The following GPATCH2L variants were observed in gnomAD, a reference collection of about 807,000 sequenced individuals.
The protein encoded by GPATCH2L is G patch domain-containing protein 2-like.
GPATCH2L carries 31 observed loss-of-function variants against 57.4 expected under a neutral mutation model. The ratio of observed to expected loss-of-function variants is 0.54; its 90% CI spans 0.41 to 0.73. The LOEUF is 0.73. Ranked by LOEUF, GPATCH2L falls within the 30% of genes least tolerant of loss-of-function variation. The pLI, the probability that GPATCH2L is intolerant of heterozygous loss-of-function variation, is 0.00. For missense variants in GPATCH2L, 481 were observed against 599.9 expected, an observed-to-expected ratio of 0.80 and a Z score of 2.07; for synonymous variants, 199 against 210.7, an observed-to-expected ratio of 0.94 and a Z score of 0.48.
At position 76,177,978 on chromosome 14, in the gene GPATCH2L, T is replaced by C. The variant is rs201239692; in HGVS notation, c.1053-10T>C. The stretch of plus-strand genomic sequence containing the variant: ...ATCTTTATTTTATCATTTGGTTTCC[T>C]TTTCTTTAGAAAGAATAAAGCGTTG... On this transcript the variant is annotated splice_polypyrimidine_tract_variant and intron_variant, in intron 6 of 9. Transcript: ENST00000261530. 1 of 1,605,036 alleles carries C rather than the reference T, an allele frequency of 6.2e-7. No individual in the cohort carries two copies. The highest frequency in any genetic ancestry group is 1.1e-5 in the South Asian group (1 of 90,856).
At chr14:76,219,005 C>CAAAAAAAAAA (rs572896740), downstream of GPATCH2L, among the ~76,000 whole-genome samples, 1 of 73,776 alleles carries the variant, frequency 1.4e-5, no homozygotes, top group Non-Finnish European at 3.0e-5. Flanking sequence ...TCTAAAAGTA[C>CAAAAAAAAAA]AAAAAAAAAA....
At position 76,214,270 on chromosome 14, in the gene GPATCH2L, T is replaced by G. The variant is rs2040473183; in HGVS notation, c.*12419T>G. ...TATTTTGTGCCTTTTAGCAGTGTTT[T>G]AAAATTATCCTTGTGTAGGTTTTGT... On this transcript the variant is annotated 3_prime_UTR_variant, in exon 10 of 10. Coordinates refer to ENST00000261530, the MANE Select transcript of GPATCH2L (RefSeq NM_017926.4). 1 of 152,232 alleles carries G rather than the reference T, an allele frequency of 6.6e-6. No homozygotes were observed. The highest frequency in any genetic ancestry group is 6.5e-5 in the Admixed American group (1 of 15,288). 9.4% of individuals were successfully genotyped at this position (152,232 alleles called of 1,614,324 possible).
At chr14:76,221,921 A>G (rs1239790502) in intron 1 of GPATCH2L, among the ~76,000 whole-genome samples, 1 of 152,220 alleles carries the variant, frequency 6.6e-6, no homozygotes, top group East Asian at 1.9e-4. Context: ...ATTTATCAAA[A>G]CCCATAGAAT....
Position 76,204,215 on chromosome 14 carries a change from G to C in GPATCH2L, c.*2364G>C, listed in dbSNP as rs2040349733. 1 of 152,176 alleles carries C rather than the reference G, an allele frequency of 6.6e-6. No individual in the cohort carries two copies. The highest frequency in any genetic ancestry group is 2.4e-5 in the African/African-American group (1 of 41,438). The allele number at this position is 152,176 out of a possible 1,614,324, so 9.4% of individuals were successfully genotyped here. ...TTCAGTGATAGACCTGAGTCAGTCT[G>C]AGATGCTTATTTATGAAACAGTATA... On this transcript the variant is annotated 3_prime_UTR_variant, in exon 10 of 10. Transcript: ENST00000261530.
At chr14:76,176,771 G>A in intron 6 of GPATCH2L, 81 bp downstream of exon 6, 1 of 867,654 alleles carries the variant, frequency 1.2e-6, no homozygotes, top group Non-Finnish European at 2.0e-6. Context: ...GAGCAACTTA[G>A]AAATCAGGCT....
rs534343739 is a variant in GPATCH2L, at chr14:76,209,501, A to T, written c.*7650A>T. On this transcript the variant is annotated 3_prime_UTR_variant, in exon 10 of 10. Transcript: ENST00000261530. ...GGTGGGTCACTCCTGTTTACTTATG[A>T]GTTGCTATTTATGAAAAGATGGCCT... The T allele has an allele frequency of 2.4e-4, 37 of 152,280 alleles. No homozygotes were observed. Among genetic ancestry groups the T allele is most frequent in the African/African-American group, 7.9e-4 (33 of 41,548 alleles). The allele number at this position is 152,280 out of a possible 1,614,324, so 9.4% of individuals were successfully genotyped here.
At chr14:76,222,510 G>C (rs12589999) in intron 1 of GPATCH2L, among the ~76,000 whole-genome samples, 65,766 of 151,718 alleles carry the variant, frequency 0.43, 17,373 homozygotes, top group South Asian at 0.67. Context: ...AGGAGGCTGA[G>C]GTGGGGGAAT....
chr14:76,218,676 TAAA>T (rs566069417), downstream of GPATCH2L, among the ~76,000 whole-genome samples: 1 of 151,738 alleles, frequency 6.6e-6, no homozygotes, highest in African/African-American at 2.4e-5. Flanking sequence ...AAGTTCATAT[TAAA>T]AAAAGATAGA....
rs1228581308 is a variant in GPATCH2L at position 76,206,544 on chromosome 14, A to G, written c.*4693A>G. On this transcript the variant is annotated 3_prime_UTR_variant, in exon 10 of 10. Transcript: ENST00000261530. ...AAAGTACAGTGTTGAAGAATGGGGC[A>G]TGTCATGAAGACATTCAGCAAAGAA... 3 of 152,260 alleles carry G rather than the reference A, an allele frequency of 2.0e-5. No homozygotes were observed. The highest frequency in any genetic ancestry group is 4.8e-5 in the African/African-American group (2 of 41,466). 9.4% of individuals were successfully genotyped at this position (152,260 alleles called of 1,614,324 possible).
chr14:76,178,345 G>T, intron 7 of GPATCH2L: 1 of 1,022,852 alleles, frequency 9.8e-7, no homozygotes. Flanking sequence ...TGGGTGAAGT[G>T]GGGTCAAAGC....
At chr14:76,183,055 C>T (rs767018803) in intron 8 of GPATCH2L, among the ~76,000 whole-genome samples, 13 of 152,254 alleles carry the variant, frequency 8.5e-5, no homozygotes, top group Non-Finnish European at 1.3e-4. Flanking sequence ...CTCTTTACCT[C>T]TGCTACCTAG....
chr14:76,233,536 C>T (rs2040584496), intron 2 of GPATCH2L, among the ~76,000 whole-genome samples: 1 of 152,136 alleles, frequency 6.6e-6, no homozygotes, highest in Admixed American at 6.5e-5. Flanking sequence ...GCCCCACAAC[C>T]GTCAATCAAC....
At chr14:76,158,060 G>A (rs2038392747) in intron 2 of GPATCH2L, among the ~76,000 whole-genome samples, 1 of 152,064 alleles carries the variant, frequency 6.6e-6, no homozygotes. Flanking sequence ...TTAGGTGACT[G>A]TAGCCTAATT....
chr14:76,176,511 A>G, intron 5 of GPATCH2L, 112 bp from the exon 6 acceptor site: 1 of 729,844 alleles, frequency 1.4e-6, no homozygotes, highest in Non-Finnish European at 2.5e-6. Flanking sequence ...GACTTTTAAC[A>G]TGTGCCTTTT....
At chr14:76,228,905 C>T (rs1383111755) in intron 1 of GPATCH2L, among the ~76,000 whole-genome samples, 6 of 152,158 alleles carry the variant, frequency 3.9e-5, no homozygotes, top group Admixed American at 6.5e-5. Context: ...AGTCCCTGCC[C>T]ACCATCGACA....
At chr14:76,221,861 AG>A (rs2139864151) in intron 1 of GPATCH2L, among the ~76,000 whole-genome samples, 1 of 152,352 alleles carries the variant, frequency 6.6e-6, no homozygotes, top group African/African-American at 2.4e-5. Flanking sequence ...TTTTTAGGGC[AG>A]TGAAAATACT....
chr14:76,186,936 G>T (rs1262696847), intron 8 of GPATCH2L, among the ~76,000 whole-genome samples: 1 of 152,088 alleles, frequency 6.6e-6, no homozygotes, highest in East Asian at 1.9e-4. Flanking sequence ...ACTACTGAGG[G>T]TTAGATTTAA....
rs553637702 is a variant in GPATCH2L at position 76,168,512 on chromosome 14, G to T, written c.727+1785G>T. 5.9e-5 allele frequency among the ~76,000 whole-genome samples: 9 copies of T among 152,292 alleles called. No homozygotes were observed. In the East Asian group the frequency reaches 1.7e-3, roughly 29 times the overall value. The stretch of plus-strand genomic sequence containing the variant: ...TTGCCTGGGCTCCACTGGTCTACAG[G>T]CTTCAAGTTAGGTTTACATCTACTC... On this transcript the variant is annotated intron_variant, in intron 3 of 9. Coordinates refer to ENST00000261530, the MANE Select transcript of GPATCH2L (RefSeq NM_017926.4).
intron 8 of GPATCH2L, among the ~76,000 whole-genome samples, chr14:76,190,123 T>C (rs976973433): frequency 9.2e-5 from 14 of 151,452 alleles, no homozygotes; most frequent in African/African-American, 2.7e-4. Flanking sequence ...TATTTTTTTT[T>C]CCCTAAAAGT....
Sources: allele counts gnomAD v4.1 joint callset (sites outside exome capture counted in the v4.1 genomes callset), GRCh38; gene constraint gnomAD v4.1.1; transcripts MANE v1.5; gene names NCBI Gene and HGNC (gene_info 2026-07-23, HGNC 2026-07-21).